Variants in GALNTL6 observed in about 807,000 individuals in gnomAD.
The protein encoded by GALNTL6 is polypeptide N-acetylgalactosaminyltransferase-like 6.
Under a neutral mutation model 73.7 loss-of-function variants are expected in GALNTL6, and 46 were observed. The observed-to-expected ratio is 0.62, with a 90% confidence interval of 0.49 to 0.80. The LOEUF (loss-of-function observed/expected upper bound fraction) is 0.80, where lower values mean the gene tolerates loss of function less well. GALNTL6 is among the 30% of genes least tolerant of loss of function. The probability of loss-of-function intolerance (pLI) is 0.00; values close to 1 mark genes in which losing one functional copy is unlikely to be tolerated. For synonymous variants in GALNTL6, 259 were observed against 263.7 expected (o/e 0.98, Z 0.17); for missense variants, 604 against 755.0 (o/e 0.80, Z 2.34).
chr4:172,336,989 C>T (rs1741352921), intron 4 of GALNTL6, among the ~76,000 whole-genome samples: 1 of 152,110 alleles, frequency 6.6e-6, no homozygotes, highest in Non-Finnish European at 1.5e-5. Context: ...AAGTCTTTAT[C>T]ATTATGCAAT....
chr4:172,299,724 T>G (rs1297417974), intron 3 of GALNTL6, among the ~76,000 whole-genome samples: 1 of 152,236 alleles, frequency 6.6e-6, no homozygotes, highest in Non-Finnish European at 1.5e-5. Flanking sequence ...TGCACTGTGG[T>G]CTGACAGACA....
At chr4:172,690,834 A>C (rs1733236163) in intron 5 of GALNTL6, among the ~76,000 whole-genome samples, 1 of 152,228 alleles carries the variant, frequency 6.6e-6, no homozygotes, top group Admixed American at 6.5e-5. Context: ...TTAAGTACAT[A>C]AGTGAATCAT....
At chr4:172,367,204 C>T (rs987902381) in intron 5 of GALNTL6, among the ~76,000 whole-genome samples, 20 of 152,214 alleles carry the variant, frequency 1.3e-4, no homozygotes, top group Middle Eastern at 3.4e-3. Flanking sequence ...GCGTTTTGAT[C>T]TCGTTGGCAT....
At chr4:172,602,533 C>A (rs982538608) in intron 5 of GALNTL6, among the ~76,000 whole-genome samples, 1 of 151,826 alleles carries the variant, frequency 6.6e-6, no homozygotes, top group Non-Finnish European at 1.5e-5. Context: ...TGTCACAAAA[C>A]AAAGTGGAAG....
chr4:171,995,306 T>C (rs1035527648), intron 2 of GALNTL6, among the ~76,000 whole-genome samples: 1 of 152,000 alleles, frequency 6.6e-6, no homozygotes, highest in Non-Finnish European at 1.5e-5. Flanking sequence ...ATTTTAACCG[T>C]TTAAATATTT....
chr4:172,160,891 G>GACAC (rs770975013), intron 2 of GALNTL6, among the ~76,000 whole-genome samples: 1 of 110,882 alleles, frequency 9.0e-6, no homozygotes, highest in Non-Finnish European at 1.9e-5. Context: ...TATATATATA[G>GACAC]ACACACACAC....
At chr4:172,301,983 C>G (rs573962763) in intron 3 of GALNTL6, among the ~76,000 whole-genome samples, 1 of 152,222 alleles carries the variant, frequency 6.6e-6, no homozygotes, top group Non-Finnish European at 1.5e-5. Context: ...TCTACTGAGG[C>G]AGGCAGGCCT....
chr4:171,988,951 G>A (rs529703906), intron 2 of GALNTL6, among the ~76,000 whole-genome samples: 211 of 152,152 alleles, frequency 1.4e-3, no homozygotes, highest in African/African-American at 3.9e-3. Flanking sequence ...AGGTGTGGCT[G>A]TAGCCTAGGA....
chr4:172,184,669 T>G (rs1417686035), intron 2 of GALNTL6, among the ~76,000 whole-genome samples: 2 of 152,202 alleles, frequency 1.3e-5, no homozygotes, highest in African/African-American at 4.8e-5. Flanking sequence ...TCTTTTCCCA[T>G]GAAATTAGTC....
At chr4:172,305,444 A>G (rs1252800017) in intron 3 of GALNTL6, among the ~76,000 whole-genome samples, 1 of 152,162 alleles carries the variant, frequency 6.6e-6, no homozygotes, top group Non-Finnish European at 1.5e-5. Flanking sequence ...ACTAATTCTC[A>G]TATTTAAAGA....
At chr4:172,673,562 T>C (rs1180131872) in intron 5 of GALNTL6, among the ~76,000 whole-genome samples, 1 of 152,126 alleles carries the variant, frequency 6.6e-6, no homozygotes, top group African/African-American at 2.4e-5. Flanking sequence ...TCCAATATTG[T>C]CAGTGGGTTG....
intron 9 of GALNTL6, among the ~76,000 whole-genome samples, chr4:172,940,387 G>A (rs1448730202): frequency 2.0e-5 from 3 of 151,258 alleles, no homozygotes; most frequent in Admixed American, 2.0e-4. Context: ...TTTTGAAATG[G>A]AGTCCCACCC....
At chr4:172,830,335 AT>A (rs1742555001) in intron 7 of GALNTL6, among the ~76,000 whole-genome samples, 1 of 151,884 alleles carries the variant, frequency 6.6e-6, no homozygotes, top group Non-Finnish European at 1.5e-5. Context: ...ATTCAGAATT[AT>A]TGTAGAAATC....
chr4:172,269,383 C>G (rs777993104), intron 3 of GALNTL6, among the ~76,000 whole-genome samples: 1 of 152,160 alleles, frequency 6.6e-6, no homozygotes, highest in Non-Finnish European at 1.5e-5. Flanking sequence ...CCAGAAAAAG[C>G]ACTGCACTTC....
intron 11 of GALNTL6, among the ~76,000 whole-genome samples, chr4:173,013,303 A>G (rs1752635170): frequency 6.6e-6 from 1 of 152,132 alleles, no homozygotes; most frequent in African/African-American, 2.4e-5. Flanking sequence ...CCATAAGGAA[A>G]AGCTTCATTT....
At chr4:172,355,918 C>CG (rs2111229145) in intron 5 of GALNTL6, among the ~76,000 whole-genome samples, 1 of 152,266 alleles carries the variant, frequency 6.6e-6, no homozygotes, top group East Asian at 1.9e-4. Flanking sequence ...GACCAAGCAT[C>CG]TTAAAATCTA....
intron 2 of GALNTL6, among the ~76,000 whole-genome samples, chr4:171,917,434 A>G (rs1737663088): frequency 1.3e-5 from 2 of 152,096 alleles, no homozygotes; most frequent in Admixed American, 1.3e-4. Flanking sequence ...TAATAAGACT[A>G]AGTAAATCAG....
intron 5 of GALNTL6, among the ~76,000 whole-genome samples, chr4:172,688,231 G>A (rs2111249890): frequency 6.6e-6 from 1 of 152,206 alleles, no homozygotes; most frequent in African/African-American, 2.4e-5. Flanking sequence ...TAACAACCTA[G>A]GTAGCATATG....
At chr4:172,571,164 T>C (rs1736746090) in intron 5 of GALNTL6, among the ~76,000 whole-genome samples, 1 of 152,224 alleles carries the variant, frequency 6.6e-6, no homozygotes, top group African/African-American at 2.4e-5. Context: ...TACTTTGTTA[T>C]GGCAGCCCTA....
Sources: allele counts gnomAD v4.1 joint callset (sites outside exome capture counted in the v4.1 genomes callset), GRCh38; gene constraint gnomAD v4.1.1; transcripts MANE v1.5; gene names NCBI Gene and HGNC (gene_info 2026-07-23, HGNC 2026-07-21).